Variants in FAM13A observed in about 807,000 individuals in gnomAD.
FAM13A encodes the protein family with sequence similarity 13 member A, also known as protein FAM13A.
Under a neutral mutation model 129.6 loss-of-function variants are expected in FAM13A, and 76 were observed. That is an observed-to-expected ratio of 0.59 (90% confidence interval 0.49 to 0.71). The LOEUF (loss-of-function observed/expected upper bound fraction) is 0.71, where lower values mean the gene tolerates loss of function less well. FAM13A is among the 30% of genes least tolerant of loss of function. The pLI, the probability that FAM13A is intolerant of heterozygous loss-of-function variation, is 0.00. For synonymous variants in FAM13A, 443 were observed against 449.9 expected, an observed-to-expected ratio of 0.98 and a Z score of 0.20; for missense variants, 1,108 against 1,249.3, an observed-to-expected ratio of 0.89 and a Z score of 1.70.
chr4:88,978,693 C>G (rs1028544463), intron 4 of FAM13A, among the ~76,000 whole-genome samples: 1 of 152,044 alleles, frequency 6.6e-6, no homozygotes, highest in East Asian at 1.9e-4. Context: ...GCTGGGGAGG[C>G]TGAGGCAGGA....
chr4:88,749,160 C>G, intron 16 of FAM13A, 127 bp from the exon 17 acceptor site: 1 of 729,566 alleles, frequency 1.4e-6, no homozygotes, highest in East Asian at 2.5e-5. Context: ...AAATTAAACA[C>G]GACCAATCAG....
intron 4 of FAM13A, among the ~76,000 whole-genome samples, chr4:88,965,560 G>GT (rs1322890367): frequency 1.5e-5 from 2 of 133,036 alleles, no homozygotes; most frequent in Non-Finnish European, 3.2e-5. Flanking sequence ...CTTATATGTA[G>GT]TTTTTTTAAG....
intron 5 of FAM13A, among the ~76,000 whole-genome samples, chr4:88,934,569 T>C (rs1293548086): frequency 6.6e-6 from 1 of 152,214 alleles, no homozygotes; most frequent in Non-Finnish European, 1.5e-5. Flanking sequence ...TCTAGAATTA[T>C]CCTGCAGCTG....
At chr4:89,036,189 T>C (rs1318548055) in intron 1 of FAM13A, among the ~76,000 whole-genome samples, 5 of 152,174 alleles carry the variant, frequency 3.3e-5, no homozygotes, top group Admixed American at 6.5e-5. Flanking sequence ...AAAATGCTGA[T>C]AGTGATGTGG....
rs576764337 is a variant in FAM13A at position 88,940,827 on chromosome 4, C to T, written c.606-2586G>A. Among the ~76,000 whole-genome samples the T allele has an allele frequency of 4.7e-4, 72 of 152,266 alleles. No homozygotes were observed. In the South Asian group the frequency reaches 0.011, roughly 22 times the overall value. ...AGATGGAAAAGGGATTATTTTTAAA[C>T]GATCTGTGGATATGCCTTTCTTATA... On this transcript the variant is annotated intron_variant, in intron 4 of 23. Transcript: ENST00000264344.
chr4:89,054,630 G>A (rs1318725088), intron 1 of FAM13A, among the ~76,000 whole-genome samples: 3 of 152,030 alleles, frequency 2.0e-5, no homozygotes, highest in Admixed American at 1.3e-4. Context: ...GATTAAGGAA[G>A]CTTCTTTCCA....
intron 6 of FAM13A, among the ~76,000 whole-genome samples, chr4:88,878,280 T>C: frequency 1.1e-5 from 1 of 88,640 alleles, no homozygotes; most frequent in East Asian, 3.5e-4. Flanking sequence ...AGAGTGAGAC[T>C]CCATCTCAAA....
chr4:88,913,211 C>G (rs1339563876), intron 5 of FAM13A, among the ~76,000 whole-genome samples: 86 of 70,970 alleles, frequency 1.2e-3, no homozygotes, highest in Middle Eastern at 0.015. Flanking sequence ...GGAAGAAGAA[C>G]AGGAGGAAGA....
intron 7 of FAM13A, among the ~76,000 whole-genome samples, chr4:88,814,976 A>T (rs1222154833): frequency 6.6e-6 from 1 of 151,974 alleles, no homozygotes; most frequent in African/African-American, 2.4e-5. Context: ...TGTAGGTAGG[A>T]CTACAGGCAT....
intron 6 of FAM13A, among the ~76,000 whole-genome samples, chr4:88,901,920 C>T (rs1306404261): frequency 6.6e-6 from 1 of 151,744 alleles, no homozygotes; most frequent in Admixed American, 6.6e-5. Flanking sequence ...TACCACTGAC[C>T]CCACAGAAAT....
intron 6 of FAM13A, among the ~76,000 whole-genome samples, chr4:88,872,713 A>C (rs1227623469): frequency 6.6e-6 from 1 of 152,186 alleles, no homozygotes; most frequent in African/African-American, 2.4e-5. Flanking sequence ...CCCACTGTCA[A>C]TATTAGACAG....
intron 1 of FAM13A, chr4:89,029,934 G>T: frequency 2.9e-6 from 1 of 350,656 alleles, no homozygotes; most frequent in Non-Finnish European, 5.1e-6. Flanking sequence ...CAGTAACCAA[G>T]GGGTGTGACC....
At chr4:88,731,153 T>C (rs1737660519) in intron 23 of FAM13A, among the ~76,000 whole-genome samples, 174 bp downstream of exon 23, 1 of 152,100 alleles carries the variant, frequency 6.6e-6, no homozygotes, top group African/African-American at 2.4e-5. Flanking sequence ...AATCCCATCA[T>C]CTCACAGTCA....
At chr4:88,749,245 G>C (rs920625013) in intron 16 of FAM13A, among the ~76,000 whole-genome samples, 2 of 152,096 alleles carry the variant, frequency 1.3e-5, no homozygotes, top group Non-Finnish European at 2.9e-5. Context: ...AAATTCCTCA[G>C]AGGCAAAATG....
chr4:89,029,533 A>G lies in FAM13A; in HGVS notation c.144T>C (p.Leu48=). ...QKLFGVSLQE[L]ERQGLTENGI... ...CATTCTCGGTGAGCCCCTGCCGTTCAAGTTCTTGGAGACTGACTCCAAATA... is the reference window on the plus strand; with the variant it reads ...CATTCTCGGTGAGCCCCTGCCGTTCGAGTTCTTGGAGACTGACTCCAAATA... The change falls in exon 2 of 24, where the codon CTT becomes CTC. Residue 48 remains leucine (L), a synonymous_variant. Transcript: ENST00000264344. 2.5e-6 allele frequency: 4 copies of G among 1,596,238 alleles called. No homozygotes were observed. The highest frequency in any genetic ancestry group is 3.4e-6 in the Non-Finnish European group (4 of 1,175,148).
At chr4:88,812,541 C>G (rs1035653571) in intron 7 of FAM13A, among the ~76,000 whole-genome samples, 2 of 152,148 alleles carry the variant, frequency 1.3e-5, no homozygotes, top group Non-Finnish European at 2.9e-5. Context: ...ACCTTAAATC[C>G]TTTCTCCACC....
chr4:88,791,270 C>A (rs757455637), intron 8 of FAM13A, among the ~76,000 whole-genome samples: 8 of 152,114 alleles, frequency 5.3e-5, no homozygotes, highest in Non-Finnish European at 8.8e-5. Flanking sequence ...TGAGCACTTA[C>A]AAATTTTCAT....
intron 10 of FAM13A, among the ~76,000 whole-genome samples, chr4:88,781,862 G>GA (rs1256909868): frequency 6.7e-6 from 1 of 148,882 alleles, no homozygotes; most frequent in East Asian, 1.9e-4. Flanking sequence ...AGCGGGGAGG[G>GA]ATAGCATTAG....
chr4:88,894,678 T>C (rs1341153828), intron 6 of FAM13A, among the ~76,000 whole-genome samples: 1 of 152,126 alleles, frequency 6.6e-6, no homozygotes, highest in Non-Finnish European at 1.5e-5. Context: ...TGCGCCACCA[T>C]GGCCGGCTAA....
Sources: allele counts gnomAD v4.1 joint callset (sites outside exome capture counted in the v4.1 genomes callset), GRCh38; gene constraint gnomAD v4.1.1; transcripts MANE v1.5; gene names NCBI Gene and HGNC (gene_info 2026-07-23, HGNC 2026-07-21).